CACNA2D1: variants seen among roughly 807,000 people sequenced by gnomAD.
The protein encoded by CACNA2D1 is calcium voltage-gated channel auxiliary subunit alpha2delta 1, also known as voltage-dependent calcium channel subunit alpha-2/delta-1.
A neutral mutation model predicts 171.5 loss-of-function variants in CACNA2D1; 53 were observed. The ratio of observed to expected loss-of-function variants is 0.31; its 90% confidence interval spans 0.25 to 0.39. CACNA2D1 has a LOEUF of 0.39. Ranked by LOEUF, CACNA2D1 falls within the 10% of genes least tolerant of loss-of-function variation. The pLI is 1.00. For synonymous variants in CACNA2D1, 442 were observed against 443.1 expected, an observed-to-expected ratio of 1.00 and a Z score of 0.03; for missense variants, 903 against 1,299.8, an observed-to-expected ratio of 0.69 and a Z score of 4.69.
intron 3 of CACNA2D1, among the ~76,000 whole-genome samples, chr7:82,246,795 G>C (rs1804978489): frequency 6.6e-6 from 1 of 152,084 alleles, no homozygotes; most frequent in African/African-American, 2.4e-5. Flanking sequence ...CATAGGCATG[G>C]GTGTGAGTGA....
intron 6 of CACNA2D1, among the ~76,000 whole-genome samples, chr7:82,110,168 A>T (rs1170159260): frequency 6.6e-6 from 1 of 152,218 alleles, no homozygotes; most frequent in South Asian, 2.1e-4. Context: ...TTCCTCCAGA[A>T]AACATCCCGC....
At chr7:81,978,753 G>GTATATATATATATATA (rs1554336413) in intron 24 of CACNA2D1, among the ~76,000 whole-genome samples, 1 of 139,478 alleles carries the variant, frequency 7.2e-6, no homozygotes, top group African/African-American at 2.7e-5. Flanking sequence ...TTTAAAAAGT[G>GTATATATATATATATA]TATATATATA....
intron 15 of CACNA2D1, among the ~76,000 whole-genome samples, chr7:82,009,992 T>C (rs1799577766): frequency 6.6e-6 from 1 of 152,068 alleles, no homozygotes; most frequent in Non-Finnish European, 1.5e-5. Context: ...GTATCATTTT[T>C]TTGATATACT....
intron 1 of CACNA2D1, among the ~76,000 whole-genome samples, chr7:82,375,209 T>G (rs1385569990): frequency 2.0e-5 from 3 of 152,104 alleles, no homozygotes; most frequent in East Asian, 1.9e-4. Context: ...TACACACGCA[T>G]GCACACACAC....
At chr7:82,243,736 A>G (rs1804594611) in intron 3 of CACNA2D1, among the ~76,000 whole-genome samples, 1 of 152,172 alleles carries the variant, frequency 6.6e-6, no homozygotes, top group Admixed American at 6.5e-5. Context: ...GTGCAGACAA[A>G]AGAAAACACA....
chr7:82,393,511 C>T (rs1825427593), intron 1 of CACNA2D1, among the ~76,000 whole-genome samples: 1 of 152,108 alleles, frequency 6.6e-6, no homozygotes, highest in Admixed American at 6.5e-5. Flanking sequence ...AAGCCCTTGG[C>T]TGTTTTATTT....
intron 4 of CACNA2D1, among the ~76,000 whole-genome samples, chr7:82,165,112 T>A (rs1353663253): frequency 6.6e-6 from 1 of 151,904 alleles, no homozygotes; most frequent in South Asian, 2.1e-4. Flanking sequence ...ATCATCTCAA[T>A]CCCAGGATAT....
intron 3 of CACNA2D1, among the ~76,000 whole-genome samples, chr7:82,261,695 AT>A (rs1419065221): frequency 6.6e-6 from 1 of 152,166 alleles, no homozygotes; most frequent in Non-Finnish European, 1.5e-5. Flanking sequence ...AAAAATTTTC[AT>A]TCTAAGTGAA....
intron 38 of CACNA2D1, among the ~76,000 whole-genome samples, chr7:81,954,538 T>C (rs4430038): frequency 0.4 from 61,421 of 151,852 alleles, 12,579 homozygotes; most frequent in East Asian, 0.51. Context: ...TTACTGTTGC[T>C]AAACTCTTAC....
In CACNA2D1 at chr7:81,983,324, G is replaced by T. The variant is rs752092062; in HGVS notation, c.1884C>A (p.Gly628=). The T allele has an allele frequency of 3.1e-6, 5 of 1,610,896 alleles. No individual in the cohort carries two copies. The African/African-American group carries it at 5.3e-5, about 17-fold the overall frequency. Residue 628 remains glycine (G), a synonymous_variant, in exon 23 of 39, where the codon GGC becomes GGA. Coordinates refer to ENST00000356860, the MANE Select transcript of CACNA2D1 (RefSeq NM_000722.4). The part of the protein sequence containing the change: ...ETITQARSKK[G]KMKDSETLKP... ...CAAGAAAATACTTGCCCTTCATTTTGCCCTTTTTTGCTGTGAAAATCCATC... is the reference window on the plus strand; with the variant it reads ...CAAGAAAATACTTGCCCTTCATTTTTCCCTTTTTTGCTGTGAAAATCCATC...
intron 8 of CACNA2D1, among the ~76,000 whole-genome samples, chr7:82,065,915 G>C (rs898563662): frequency 4.6e-5 from 7 of 152,076 alleles, no homozygotes; most frequent in Admixed American, 1.3e-4. Context: ...AAAAATAGTT[G>C]TTTTCCAGTA....
At chr7:82,137,707 T>TAAAAAAAAA (rs1174278503) in intron 4 of CACNA2D1, among the ~76,000 whole-genome samples, 1,088 of 78,662 alleles carry the variant, frequency 0.014, 96 homozygotes, top group South Asian at 0.025. Context: ...CCGTCTCTAC[T>TAAAAAAAAA]AAAAAAAAAA....
chr7:82,033,777 T>C (rs773404981), intron 11 of CACNA2D1, among the ~76,000 whole-genome samples: 2 of 152,092 alleles, frequency 1.3e-5, no homozygotes, highest in Non-Finnish European at 2.9e-5. Context: ...AAATGAACAA[T>C]TAATTTAGAA....
chr7:82,020,501 A>G (rs748571960), intron 12 of CACNA2D1, among the ~76,000 whole-genome samples: 3 of 152,152 alleles, frequency 2.0e-5, no homozygotes, highest in Non-Finnish European at 4.4e-5. Flanking sequence ...AGGCATTAAT[A>G]TATGGAAATT....
At chr7:82,324,182 C>T (rs1465355647) in intron 3 of CACNA2D1, among the ~76,000 whole-genome samples, 1 of 151,872 alleles carries the variant, frequency 6.6e-6, no homozygotes, top group Non-Finnish European at 1.5e-5. Context: ...CATGGTGAAA[C>T]CCGCATCTCT....
chr7:82,441,748 G>A (rs947537064), intron 1 of CACNA2D1, among the ~76,000 whole-genome samples: 2 of 152,084 alleles, frequency 1.3e-5, no homozygotes, highest in Non-Finnish European at 2.9e-5. Flanking sequence ...CTGTAAAAAT[G>A]AGTAATCGGA....
At chr7:82,169,995 A>C (rs1795851680) in intron 4 of CACNA2D1, among the ~76,000 whole-genome samples, 1 of 151,946 alleles carries the variant, frequency 6.6e-6, no homozygotes, top group South Asian at 2.1e-4. Flanking sequence ...GAAAAAAAAA[A>C]CATGCAACCG....
At chr7:82,143,541 G>T (rs189430862) in intron 4 of CACNA2D1, among the ~76,000 whole-genome samples, 2 of 152,252 alleles carry the variant, frequency 1.3e-5, no homozygotes, top group East Asian at 3.9e-4. Flanking sequence ...GAGTGGAGAA[G>T]AAATAAAATT....
At chr7:82,048,137 G>A (rs1473655480) in intron 10 of CACNA2D1, among the ~76,000 whole-genome samples, 1 of 147,616 alleles carries the variant, frequency 6.8e-6, no homozygotes, top group Admixed American at 6.7e-5. Flanking sequence ...TTGTATCTGG[G>A]ATGCAGAAAC....
Sources: gnomAD v4.1 joint callset for allele counts (sites outside exome capture counted in the v4.1 genomes callset) on GRCh38, gnomAD v4.1.1 for gene constraint, MANE v1.5 for transcripts, NCBI Gene and HGNC (gene_info 2026-07-23, HGNC 2026-07-21) for gene names.